Variants in PODNL1 observed in about 807,000 individuals in gnomAD.
PODNL1 encodes podocan-like protein 1.
A neutral mutation model predicts 45.1 loss-of-function variants in PODNL1; 50 were observed. That is an observed-to-expected ratio of 1.11 (90% confidence interval 0.88 to 1.40). The LOEUF (loss-of-function observed/expected upper bound fraction) is 1.40. PODNL1 is among the 40% of genes most tolerant of loss of function. The probability of loss-of-function intolerance (pLI) is 0.00; values close to 1 mark genes in which losing one functional copy is unlikely to be tolerated. For missense variants in PODNL1, 788 were observed against 793.3 expected, an observed-to-expected ratio of 0.99 and a Z score of 0.08; for synonymous variants, 406 against 372.5, an observed-to-expected ratio of 1.09 and a Z score of -1.04.
chr19:13,945,763 G>A (rs1320707117), intron 1 of PODNL1, among the ~76,000 whole-genome samples: 1 of 151,932 alleles, frequency 6.6e-6, no homozygotes, highest in Non-Finnish European at 1.5e-5. Context: ...GGGATTACAG[G>A]CGTAAGCCAC....
In PODNL1 at chr19:13,933,212, G is replaced by A; in HGVS notation, c.1011C>T (p.Leu337=). The stretch of plus-strand genomic sequence containing the variant: ...GCACGCGGTCCAGCCCATTGCCATA[G>A]AGGTGCAGCGTGTGCAGGCCCCGCA... The part of the protein sequence containing the change: ...RPLRGLHTLH[L]YGNGLDRVPP... The change falls in exon 8 of 10, where the codon CTC becomes CTT. Residue 337 remains leucine (L), a synonymous_variant. Coordinates refer to ENST00000588872, the MANE Select transcript of PODNL1 (RefSeq NM_001370095.3). This position sits in a 1 kb window ranked among gnomAD's most constrained non-coding sequence, Gnocchi z 5.2. The A allele has an allele frequency of 6.5e-7, 1 of 1,538,040 alleles. No homozygotes were observed. Among genetic ancestry groups the A allele is most frequent in the South Asian group, 1.2e-5 (1 of 84,198 alleles).
chr19:13,933,997 G>T lies in PODNL1; in HGVS notation c.652-4C>A. 1 of 1,595,992 alleles carries T rather than the reference G, an allele frequency of 6.3e-7. No individual in the cohort carries two copies. The highest frequency in any genetic ancestry group is 1.1e-5 in the South Asian group (1 of 88,054). On this transcript the variant is annotated splice_region_variant and splice_polypyrimidine_tract_variant and intron_variant, in intron 6 of 9. Coordinates refer to ENST00000588872, the MANE Select transcript of PODNL1 (RefSeq NM_001370095.3). The surrounding 1 kb of genome is among the most constrained non-coding windows in gnomAD (Gnocchi z 5.2). The stretch of plus-strand genomic sequence containing the variant: ...GCACCTTGGAGATGAGATTGTTCTG[G>T]AGAAGGAAGAAGAGAATGAGACTTG...
chr19:13,934,239 C>T lies in PODNL1; in HGVS notation c.651+15G>A. The T allele has an allele frequency of 6.7e-7, 1 of 1,497,530 alleles. No homozygotes were observed. Among genetic ancestry groups the T allele is most frequent in the Non-Finnish European group, 8.9e-7 (1 of 1,126,620 alleles). 92.8% of individuals were successfully genotyped at this position (1,497,530 alleles called of 1,614,324 possible). Reference sequence around the variant, plus strand: ...AAGAGAGTCTGGCCCGGGGTGGGACCTACAGCAGGGCTACCTGCAGGTGGA... The same window carrying T: ...AAGAGAGTCTGGCCCGGGGTGGGACTTACAGCAGGGCTACCTGCAGGTGGA... On this transcript the variant is annotated intron_variant, in intron 6 of 9. Transcript: ENST00000588872.
chr19:13,935,343 T>C (rs1972271425), intron 5 of PODNL1, among the ~76,000 whole-genome samples: 1 of 152,150 alleles, frequency 6.6e-6, no homozygotes, highest in Non-Finnish European at 1.5e-5. Context: ...GTTTTTAATT[T>C]TGAGACAGAG....
chr19:13,932,056 G>T lies in PODNL1; in HGVS notation c.1482C>A (p.Ala494=). The T allele has an allele frequency of 3.2e-6, 4 of 1,232,538 alleles. No individual in the cohort carries two copies. Among genetic ancestry groups the T allele is most frequent in the Non-Finnish European group, 4.0e-6 (4 of 988,260 alleles). 76.4% of individuals were successfully genotyped at this position (1,232,538 alleles called of 1,614,324 possible). The change falls in exon 9 of 10, where the codon GCC becomes GCA. Residue 494 remains alanine, a synonymous_variant. Coordinates refer to ENST00000588872, the MANE Select transcript of PODNL1 (RefSeq NM_001370095.3). ...LSFVPPDLPE[A]LEELHLEGNR... is the part of the protein sequence containing the mutation. The stretch of plus-strand genomic sequence containing the variant: ...TGCCCTCGAGGTGCAGCTCCTCTAG[G>T]GCCTCAGGCAGGTCCGGGGGCACAA...
At chr19:13,947,195 A>G (rs1972849883) in intron 1 of PODNL1, among the ~76,000 whole-genome samples, 1 of 147,714 alleles carries the variant, frequency 6.8e-6, no homozygotes, top group Non-Finnish European at 1.5e-5. Flanking sequence ...AAAAAAAAAA[A>G]AAAGGCTGGC....
At chr19:13,945,593 T>C (rs1291627968) in intron 1 of PODNL1, among the ~76,000 whole-genome samples, 1 of 151,690 alleles carries the variant, frequency 6.6e-6, no homozygotes, top group East Asian at 2.0e-4. Context: ...TTCAAGTGAT[T>C]CTCCTGCCTC....
In PODNL1 at chr19:13,937,691, C is replaced by A. The variant is rs1972463482; in HGVS notation, c.225+94G>T. Reference sequence around the variant, plus strand: ...CCCTCCTGCAAGTGTGTTCCTATACCCCACCACGCTCCTCAGCTCTGGGGC... The same window carrying A: ...CCCTCCTGCAAGTGTGTTCCTATACACCACCACGCTCCTCAGCTCTGGGGC... On this transcript the variant is annotated intron_variant, in intron 2 of 9. Coordinates refer to ENST00000588872, the MANE Select transcript of PODNL1 (RefSeq NM_001370095.3). 4.1e-6 allele frequency: 5 copies of A among 1,205,738 alleles called. No homozygotes were observed. In the East Asian group the frequency reaches 1.3e-4, roughly 31 times the overall value. 74.7% of individuals were successfully genotyped at this position (1,205,738 alleles called of 1,614,324 possible).
intron 1 of PODNL1, among the ~76,000 whole-genome samples, chr19:13,951,836 T>A (rs1035120584): frequency 3.3e-5 from 5 of 152,214 alleles, no homozygotes; most frequent in Non-Finnish European, 7.3e-5. Context: ...TCAACAATTA[T>A]TTTTATTGCT....
intron 1 of PODNL1, among the ~76,000 whole-genome samples, chr19:13,944,446 A>G (rs1468490183): frequency 6.7e-6 from 1 of 148,434 alleles, no homozygotes; most frequent in Non-Finnish European, 1.5e-5. Context: ...TACAGGCGTG[A>G]GCCACCACAC....
Position 13,931,793 on chromosome 19 carries a change from C to T in PODNL1, c.1669G>A (p.Val557Ile). 8.1e-7 allele frequency: 1 copy of T among 1,231,918 alleles called. No individual in the cohort carries two copies. The highest frequency in any genetic ancestry group is 1.0e-6 in the Non-Finnish European group (1 of 987,942). 76.3% of individuals were successfully genotyped at this position (1,231,918 alleles called of 1,614,324 possible). A position where few individuals can be genotyped will look rare whatever the true frequency, so the allele number is the denominator to read the frequency against. The change falls in exon 10 of 10, where the codon GTC (valine) becomes ATC (isoleucine). Residue 557 changes from valine (V) to isoleucine (I), a missense_variant. Val to Ile is a conservative substitution (Grantham distance 29). Around this residue, in one of 3 missense-constraint regions of PODNL1, gnomAD observed 9 missense variants for 25.6 expected, o/e 0.35. Transcript: ENST00000588872. ...VVDTAGNPEQ[V>I]LIRLPPTTPR... ...GTGGTGGGAGGCAGCCGGATCAGGA[C>T]CTGCTCCGGATTCCCTGCCGTGTCC... is the stretch of plus-strand genomic sequence containing the variant.
rs1972107537 is a variant in PODNL1 at position 13,933,433 on chromosome 19, G to C, written c.790C>G (p.Leu264Val). 1 of 1,586,488 alleles carries C rather than the reference G, an allele frequency of 6.3e-7. No individual in the cohort carries two copies. The highest frequency in any genetic ancestry group is 1.1e-5 in the South Asian group (1 of 88,554). Residue 264 changes from leucine (L) to valine (V), a missense_variant, in exon 8 of 10, where the codon CTG becomes GTG. This residue lies in a region of PODNL1 where 762 missense variants were observed against 750.9 expected (regional missense o/e 1.01). Coordinates refer to ENST00000588872, the MANE Select transcript of PODNL1 (RefSeq NM_001370095.3). This position sits in a 1 kb window ranked among gnomAD's most constrained non-coding sequence, Gnocchi z 5.2. ...GTCAGCTGGTTGTGGGAGAGATCCAGGTATTCAAGGCTATGCAGCTTGCTG... is the reference window on the plus strand; with the variant it reads ...GTCAGCTGGTTGTGGGAGAGATCCACGTATTCAAGGCTATGCAGCTTGCTG... The part of the protein sequence containing the change: ...TFSKLHSLEY[L>V]DLSHNQLTTV...
chr19:13,945,074 C>G (rs1197563386), intron 1 of PODNL1, among the ~76,000 whole-genome samples: 1 of 152,148 alleles, frequency 6.6e-6, no homozygotes, highest in African/African-American at 2.4e-5. Context: ...CCACACTCGG[C>G]CTGTTTTATT....
intron 4 of PODNL1, 69 bp from the exon 5 acceptor site, chr19:13,935,899 C>T: frequency 6.5e-7 from 1 of 1,541,896 alleles, no homozygotes; most frequent in East Asian, 2.4e-5. Flanking sequence ...CCCAGCAGAG[C>T]TGTCCCCTCC....
At position 13,933,908 on chromosome 19, in the gene PODNL1, G is replaced by A. The variant is rs147422922; in HGVS notation, c.737C>T (p.Thr246Ile). ...GGTGGTGGCATCCAGGCCACTGTCTGTCAGCTGGTTGTGCTGGAGGTAGAG... is the reference window on the plus strand; with the variant it reads ...GGTGGTGGCATCCAGGCCACTGTCTATCAGCTGGTTGTGCTGGAGGTAGAG... ...RELYLQHNQLTDSGLDATTFS... is the reference protein window; with the variant it reads ...RELYLQHNQLIDSGLDATTFS... Residue 246 changes from threonine (T) to isoleucine (I), a missense_variant, in exon 7 of 10, where the codon ACA becomes ATA. This residue lies in a region of PODNL1 where 762 missense variants were observed against 750.9 expected (regional missense o/e 1.01). Coordinates refer to ENST00000588872, the MANE Select transcript of PODNL1 (RefSeq NM_001370095.3). This position sits in a 1 kb window ranked among gnomAD's most constrained non-coding sequence, Gnocchi z 5.2. 3.1e-6 allele frequency: 5 copies of A among 1,611,736 alleles called. No individual in the cohort carries two copies. The African/African-American group carries it at 4.0e-5, about 13-fold the overall frequency.
chr19:13,939,334 C>G (rs986773579), upstream of PODNL1, among the ~76,000 whole-genome samples: 2 of 152,182 alleles, frequency 1.3e-5, no homozygotes. Context: ...GCCTCAGCCT[C>G]CCAAGTAGCT....
rs1422641543 is a variant in PODNL1, at chr19:13,933,187, G to A, written c.1036C>T (p.Pro346Ser). Reference protein sequence around the residue: ...HLYGNGLDRVPPALPRRLRAL... With the variant: ...HLYGNGLDRVSPALPRRLRAL... ...CGCAGGCGGCGGGGCAGGGCTGGAG[G>A]CACGCGGTCCAGCCCATTGCCATAG... The change falls in exon 8 of 10, where the codon CCT becomes TCT. Residue 346 changes from proline (P) to serine (S), a missense_variant. Physicochemically the swap from Pro to Ser is moderately conservative, Grantham distance 74 (BLOSUM62 -1). Transcript: ENST00000588872. This position sits in a 1 kb window ranked among gnomAD's most constrained non-coding sequence, Gnocchi z 5.2. 3.8e-5 allele frequency: 59 copies of A among 1,534,828 alleles called. No homozygotes were observed. Among genetic ancestry groups the A allele is most frequent in the Non-Finnish European group, 5.2e-5 (59 of 1,145,598 alleles).
chr19:13,945,707 G>A (rs1466587312), intron 1 of PODNL1, among the ~76,000 whole-genome samples: 1 of 151,920 alleles, frequency 6.6e-6, no homozygotes, highest in Non-Finnish European at 1.5e-5. Context: ...AGCTGGTCTT[G>A]AACTCCTCAC....
rs1972132439 is a variant in PODNL1 at position 13,933,804 on chromosome 19, AG to A, written c.767+73del. On this transcript the variant is annotated intron_variant, in intron 7 of 9. Coordinates refer to ENST00000588872, the MANE Select transcript of PODNL1 (RefSeq NM_001370095.3). The surrounding 1 kb of genome is among the most constrained non-coding windows in gnomAD (Gnocchi z 5.2). ...TGAGGCCGTGGCTTAGGAGCCAGTC[AG>A]GGAAGGGGGACTGAAGGTTGGGACC... The A allele has an allele frequency of 7.6e-7, 1 of 1,310,826 alleles. No homozygotes were observed. The highest frequency in any genetic ancestry group is 2.0e-5 in the Admixed American group (1 of 50,110). 81.2% of individuals were successfully genotyped at this position (1,310,826 alleles called of 1,614,324 possible). A position where few individuals can be genotyped will look rare whatever the true frequency, so the allele number is the denominator to read the frequency against.
Sources: allele counts gnomAD v4.1 joint callset (sites outside exome capture counted in the v4.1 genomes callset), GRCh38; gene constraint gnomAD v4.1.1; regional missense constraint gnomAD v4.1.1; non-coding constraint Gnocchi (gnomAD v3.1); transcripts MANE v1.5; gene names NCBI Gene and HGNC (gene_info 2026-07-23, HGNC 2026-07-21).